USP39: variants seen among roughly 807,000 people sequenced by gnomAD.
USP39 encodes ubiquitin carboxyl-terminal hydrolase 39.
USP39 carries 38 observed loss-of-function variants against 66.4 expected under a neutral mutation model. That is an observed-to-expected ratio of 0.57 (90% CI 0.44 to 0.75). USP39 has a LOEUF of 0.75. USP39 is among the 30% of genes least tolerant of loss of function. USP39 has a pLI of 0.00. For synonymous variants in USP39, 303 were observed against 274.6 expected (o/e 1.10, Z -1.02); for missense variants, 608 against 714.4 (o/e 0.85, Z 1.70).
intron 8 of USP39, 88 bp downstream of exon 8, chr2:85,637,524 G>A (rs368952101): frequency 7.0e-7 from 1 of 1,434,056 alleles, no homozygotes; most frequent in Non-Finnish European, 9.8e-7. Flanking sequence ...GAACTGACAA[G>A]CCTGCTTGCC....
At chr2:85,622,314 G>T (rs1015384239) in intron 3 of USP39, among the ~76,000 whole-genome samples, 1 of 151,290 alleles carries the variant, frequency 6.6e-6, no homozygotes, top group Non-Finnish European at 1.5e-5. Context: ...GTAGAGAGGG[G>T]GTTTCACCAT....
intron 10 of USP39, among the ~76,000 whole-genome samples, chr2:85,644,014 A>G (rs1284539390): frequency 6.6e-6 from 1 of 152,254 alleles, no homozygotes; most frequent in Admixed American, 6.5e-5. Flanking sequence ...GGACACTGTC[A>G]GTCTGTAGAA....
chr2:85,620,160 C>A (rs888666445), intron 2 of USP39, among the ~76,000 whole-genome samples: 6 of 150,852 alleles, frequency 4.0e-5, no homozygotes, highest in Non-Finnish European at 5.9e-5. Flanking sequence ...GCCCAGCCAA[C>A]GAGACCCATC....
At chr2:85,622,189 T>A (rs1178425936) in intron 3 of USP39, among the ~76,000 whole-genome samples, 1 of 151,614 alleles carries the variant, frequency 6.6e-6, no homozygotes, top group Non-Finnish European at 1.5e-5. Flanking sequence ...GACGTGATCT[T>A]GGCTCACTGC....
chr2:85,620,498 A>T (rs983283331), intron 2 of USP39, among the ~76,000 whole-genome samples: 1 of 151,894 alleles, frequency 6.6e-6, no homozygotes, highest in African/African-American at 2.4e-5. Flanking sequence ...AAACCAAAAA[A>T]GTTATAAGGG....
At chr2:85,609,176 C>A, upstream of USP39, 1 of 1,453,146 alleles carries the variant, frequency 6.9e-7, no homozygotes, top group Non-Finnish European at 9.3e-7. Context: ...AGGCTTTTTG[C>A]CAGCACCTGT....
chr2:85,611,649 G>C (rs1229149520), upstream of USP39: 1 of 1,556,022 alleles, frequency 6.4e-7, no homozygotes, highest in East Asian at 2.4e-5. Flanking sequence ...CTGGAGGCAG[G>C]CGGGGCGGGC....
chr2:85,631,056 C>G (rs946751744), intron 6 of USP39, 110 bp downstream of exon 6: 2 of 1,006,200 alleles, frequency 2.0e-6, no homozygotes, highest in Admixed American at 4.7e-5. Context: ...ACTCTGTCAC[C>G]CAGGCTGGAG....
intron 1 of USP39, among the ~76,000 whole-genome samples, chr2:85,618,832 C>T (rs912728209): frequency 6.6e-6 from 1 of 151,578 alleles, no homozygotes; most frequent in Non-Finnish European, 1.5e-5. Flanking sequence ...TGCAGCGGTA[C>T]GATCTCTGCT....
chr2:85,625,452 G>GT (rs2104270298), intron 4 of USP39, 87 bp from the exon 5 acceptor site: 3 of 1,567,244 alleles, frequency 1.9e-6, no homozygotes, highest in South Asian at 2.2e-5. Context: ...ATGGCCAAGT[G>GT]TTTTTTGTTT....
At chr2:85,615,089 C>G (rs1022058119), upstream of USP39, among the ~76,000 whole-genome samples, 1 of 152,022 alleles carries the variant, frequency 6.6e-6, no homozygotes, top group African/African-American at 2.4e-5. Context: ...GGGGCGATCT[C>G]GGCTCATTGC....
intron 10 of USP39, among the ~76,000 whole-genome samples, chr2:85,643,649 T>G (rs1366268845): frequency 2.2e-5 from 1 of 46,040 alleles, no homozygotes; most frequent in South Asian, 4.9e-4. Context: ...TCATATCTCC[T>G]TTTTTTTTTT....
upstream of USP39, chr2:85,612,194 C>A: frequency 1.9e-6 from 2 of 1,058,132 alleles, no homozygotes; most frequent in Non-Finnish European, 2.7e-6. Context: ...CTTCCACCCC[C>A]CGGACGGAGG....
chr2:85,613,578 A>G (rs1033761203), upstream of USP39, among the ~76,000 whole-genome samples: 1 of 152,236 alleles, frequency 6.6e-6, no homozygotes, highest in African/African-American at 2.4e-5. Flanking sequence ...CCAAAGGAAG[A>G]TCTGTAGCTC....
intron 6 of USP39, among the ~76,000 whole-genome samples, chr2:85,634,302 G>T (rs1265014264): frequency 6.6e-6 from 1 of 151,922 alleles, no homozygotes; most frequent in African/African-American, 2.4e-5. Flanking sequence ...GGCCAGGCGC[G>T]CTGGCTCATG....
intron 6 of USP39, among the ~76,000 whole-genome samples, chr2:85,633,385 A>G (rs1675519586): frequency 6.6e-6 from 1 of 152,116 alleles, no homozygotes; most frequent in Admixed American, 6.5e-5. Context: ...GGCCTCCCAA[A>G]GTGCTGGGAT....
chr2:85,637,160 C>T (rs1026507155), intron 7 of USP39, among the ~76,000 whole-genome samples: 1 of 151,966 alleles, frequency 6.6e-6, no homozygotes, highest in Non-Finnish European at 1.5e-5. Flanking sequence ...AAAAAGTTGT[C>T]TTAAGAGAAA....
intron 1 of USP39, among the ~76,000 whole-genome samples, chr2:85,604,917 G>A (rs2104126213): frequency 6.6e-6 from 1 of 152,370 alleles, no homozygotes; most frequent in African/African-American, 2.4e-5. Flanking sequence ...ACATGAGGCA[G>A]CTTTTGGCTT....
intron 5 of USP39, among the ~76,000 whole-genome samples, chr2:85,627,042 C>T (rs975166532): frequency 1.3e-5 from 2 of 151,750 alleles, no homozygotes; most frequent in African/African-American, 4.8e-5. Context: ...CCACCGTGCC[C>T]ATCCCTTATT....
Sources: allele counts gnomAD v4.1 joint callset (sites outside exome capture counted in the v4.1 genomes callset), GRCh38; gene constraint gnomAD v4.1.1; transcripts MANE v1.5; gene names NCBI Gene and HGNC (gene_info 2026-07-23, HGNC 2026-07-21).